Variants in EP400 observed in about 807,000 individuals in gnomAD.
The protein encoded by EP400 is E1A-binding protein p400.
EP400 carries 105 observed loss-of-function variants against 354.1 expected under a neutral mutation model. The ratio of observed to expected loss-of-function variants is 0.30; its 90% CI spans 0.25 to 0.35. The LOEUF is 0.35. EP400 is among the 10% of genes least tolerant of loss of function. The pLI, the probability that EP400 is intolerant of heterozygous loss-of-function variation, is 1.00. For synonymous variants in EP400, 1,646 were observed against 1,716.9 expected (o/e 0.96, Z 1.02); for missense variants, 3,280 against 4,121.0 (o/e 0.80, Z 5.59).
chr12:132,048,803 G>A (rs537508210), intron 39 of EP400, among the ~76,000 whole-genome samples: 16 of 152,118 alleles, frequency 1.1e-4, no homozygotes, highest in Non-Finnish European at 2.1e-4. Flanking sequence ...ACCCACCTCG[G>A]CCTCCCAAAG....
In EP400 at chr12:131,986,563, G is replaced by A. The variant is rs763580204; in HGVS notation, c.1979G>A (p.Arg660Gln). 1.2e-5 allele frequency: 19 copies of A among 1,613,646 alleles called. No homozygotes were observed. Among genetic ancestry groups the A allele is most frequent in the Middle Eastern group, 3.3e-4 (2 of 6,082 alleles). ...LPVDPAPPCPRPLPTSSTSSL... is the reference protein window; with the variant it reads ...LPVDPAPPCPQPLPTSSTSSL... ...GTGGACCCTGCCCCGCCCTGCCCAC[G>A]GCCTCTGCCCACCTCTTCTACCTCG... The change falls in exon 6 of 53, where the codon CGG becomes CAG. Residue 660 changes from arginine (R) to glutamine (Q), a missense_variant. Arg to Gln is a conservative substitution (Grantham distance 43). Around this residue, in one of 20 missense-constraint regions of EP400, gnomAD observed 800 missense variants for 840.0 expected, o/e 0.95. Coordinates refer to ENST00000389561, the MANE Select transcript of EP400 (RefSeq NM_015409.5).
Position 132,031,980 on chromosome 12 carries a change from A to G in EP400, c.5782A>G (p.Arg1928Gly), listed in dbSNP as rs1378310839. The change falls in exon 30 of 53, where the codon AGG (arginine) becomes GGG (glycine). Residue 1928 changes from arginine (R) to glycine (G), a missense_variant. Around this residue, in one of 20 missense-constraint regions of EP400, gnomAD observed 459 missense variants for 496.9 expected, o/e 0.92. Coordinates refer to ENST00000389561, the MANE Select transcript of EP400 (RefSeq NM_015409.5). ...ACTGATGAGGAGTTTCAACAGAGACAGGCGGATTTTTTGTGCCATTCTCTC... is the reference window on the plus strand; with the variant it reads ...ACTGATGAGGAGTTTCAACAGAGACGGGCGGATTTTTTGTGCCATTCTCTC... ...QELMRSFNRD[R>G]RIFCAILSTH... 6.2e-7 allele frequency: 1 copy of G among 1,613,088 alleles called. No homozygotes were observed. Among genetic ancestry groups the G allele is most frequent in the Admixed American group, 1.7e-5 (1 of 59,920 alleles).
At chr12:131,969,894 A>G (rs1478191769) in intron 2 of EP400, among the ~76,000 whole-genome samples, 2 of 152,128 alleles carry the variant, frequency 1.3e-5, no homozygotes, top group African/African-American at 4.8e-5. Context: ...AAAAAACACA[A>G]AAAAATGAGC....
rs1358254690 is a variant in EP400, at chr12:132,028,011, A to C, written c.5110-6A>C. The C allele has an allele frequency of 4.4e-6, 7 of 1,607,020 alleles. No homozygotes were observed. The stretch of plus-strand genomic sequence containing the variant: ...AGTAACTGTTTTTCATCACTTTTTG[A>C]TAAAGGAGGAAAAGACCAGACTCTT... On this transcript the variant is annotated splice_region_variant and splice_polypyrimidine_tract_variant and intron_variant, in intron 26 of 52. Coordinates refer to ENST00000389561, the MANE Select transcript of EP400 (RefSeq NM_015409.5).
chr12:132,051,732 C>T (rs1005790465), intron 41 of EP400, among the ~76,000 whole-genome samples: 3 of 152,070 alleles, frequency 2.0e-5, no homozygotes, highest in Non-Finnish European at 2.9e-5. Context: ...GTTAGGCCTC[C>T]GGATAACTGC....
At chr12:131,972,550 T>G (rs973643926) in intron 2 of EP400, among the ~76,000 whole-genome samples, 4 of 152,180 alleles carry the variant, frequency 2.6e-5, no homozygotes, top group Non-Finnish European at 5.9e-5. Flanking sequence ...TACTAATTTC[T>G]GTTTCGAAAA....
At chr12:132,010,020 G>T (rs1467090129) in intron 15 of EP400, among the ~76,000 whole-genome samples, 1 of 149,446 alleles carries the variant, frequency 6.7e-6, no homozygotes, top group Non-Finnish European at 1.5e-5. Flanking sequence ...TTTAAATCTT[G>T]TTTTTCACTG....
At chr12:132,040,969 G>A (rs1444848718) in intron 32 of EP400, among the ~76,000 whole-genome samples, 1 of 152,196 alleles carries the variant, frequency 6.6e-6, no homozygotes, top group Admixed American at 6.5e-5. Flanking sequence ...TGGTGAGCAA[G>A]GCTGGTGAGG....
intron 1 of EP400, among the ~76,000 whole-genome samples, chr12:131,953,761 A>G (rs982312565): frequency 1.3e-5 from 2 of 152,220 alleles, no homozygotes; most frequent in South Asian, 2.1e-4. Flanking sequence ...TCTTATATTG[A>G]AAGTATTTTT....
intron 30 of EP400, among the ~76,000 whole-genome samples, chr12:132,033,707 T>A (rs1222654779): frequency 6.6e-6 from 1 of 152,054 alleles, no homozygotes; most frequent in Non-Finnish European, 1.5e-5. Context: ...AATGTTTGTA[T>A]TTTTTGCACA....
chr12:132,032,845 G>T (rs1024486704), intron 30 of EP400, among the ~76,000 whole-genome samples: 13 of 152,114 alleles, frequency 8.5e-5, no homozygotes, highest in African/African-American at 2.9e-4. Context: ...TGGCCAGGCC[G>T]GTCTCGAACT....
intron 2 of EP400, chr12:131,963,436 C>G (rs1891968637): frequency 8.1e-6 from 7 of 867,760 alleles, no homozygotes; most frequent in Non-Finnish European, 1.3e-5. Flanking sequence ...TTTTAAACCC[C>G]AAATGTCAGT....
intron 12 of EP400, among the ~76,000 whole-genome samples, chr12:131,996,852 T>C (rs1450510384): frequency 6.6e-6 from 1 of 152,224 alleles, no homozygotes; most frequent in Admixed American, 6.5e-5. Context: ...GGTCTTTATA[T>C]ATTCTGGACA....
intron 2 of EP400, among the ~76,000 whole-genome samples, chr12:131,978,166 A>C (rs57221495): frequency 0.13 from 19,109 of 152,170 alleles, 1,639 homozygotes; most frequent in African/African-American, 0.24. Flanking sequence ...TTTAAAAAAC[A>C]TGATTTTTTA....
chr12:132,010,401 G>T (rs886349299), intron 15 of EP400, among the ~76,000 whole-genome samples: 7 of 152,118 alleles, frequency 4.6e-5, no homozygotes, highest in Non-Finnish European at 4.4e-5. Flanking sequence ...GTCTTTTAAA[G>T]AGTTTATTGT....
chr12:132,013,186 T>C lies in EP400; in HGVS notation c.3611+8T>C, dbSNP rs766267796. On this transcript the variant is annotated splice_region_variant and intron_variant, in intron 17 of 52. Coordinates refer to ENST00000389561, the MANE Select transcript of EP400 (RefSeq NM_015409.5). This position sits in a 1 kb window ranked among gnomAD's most constrained non-coding sequence, Gnocchi z 4.5. ...GGTTTTCACCCTGCAGAGGTCTGTG[T>C]GTTACGCGCTTGTCATTGAGTGTTC... The C allele has an allele frequency of 6.2e-7, 1 of 1,600,268 alleles. No individual in the cohort carries two copies. Among genetic ancestry groups the C allele is most frequent in the Admixed American group, 1.7e-5 (1 of 58,730 alleles).
chr12:132,063,975 C>T (rs951560766), intron 47 of EP400, among the ~76,000 whole-genome samples: 10 of 151,142 alleles, frequency 6.6e-5, no homozygotes, highest in Non-Finnish European at 1.3e-4. Context: ...CCCCCCCGGC[C>T]CACAGCCACA....
chr12:131,976,592 C>T (rs1008652451), intron 2 of EP400, among the ~76,000 whole-genome samples: 4 of 152,056 alleles, frequency 2.6e-5, no homozygotes, highest in Admixed American at 2.6e-4. Context: ...CACCTGTAGT[C>T]CCAGCTTCTC....
Position 132,064,767 on chromosome 12 carries a change from C to A in EP400, c.8434C>A (p.Gln2812Lys). The A allele has an allele frequency of 6.2e-7, 1 of 1,613,576 alleles. No homozygotes were observed. Among genetic ancestry groups the A allele is most frequent in the Non-Finnish European group, 8.5e-7 (1 of 1,179,928 alleles). ...SAPPQPTAQV[Q>K]VQTSQPPQQQ... ...GCCCCCGCAGCCAACAGCCCAAGTG[C>A]AAGTGCAGACCTCGCAGCCGCCGCA... Residue 2812 changes from glutamine to lysine, a missense_variant, in exon 48 of 53, where the codon CAA becomes AAA. Physicochemically the swap from Gln to Lys is moderately conservative, Grantham distance 53. This residue lies in a region of EP400 where 86 missense variants were observed against 66.4 expected (regional missense o/e 1.29). Transcript: ENST00000389561.
Sources: gnomAD v4.1 joint callset for allele counts (sites outside exome capture counted in the v4.1 genomes callset) on GRCh38, gnomAD v4.1.1 for gene constraint, gnomAD v4.1.1 regional missense constraint, Gnocchi (gnomAD v3.1) non-coding constraint, MANE v1.5 for transcripts, NCBI Gene and HGNC (gene_info 2026-07-23, HGNC 2026-07-21) for gene names.